MED12L: variants seen among roughly 807,000 people sequenced by gnomAD.
The protein encoded by MED12L is mediator complex subunit 12L.
Under a neutral mutation model 281.3 loss-of-function variants are expected in MED12L, and 60 were observed. The observed-to-expected ratio is 0.21, with a 90% confidence interval of 0.17 to 0.26. The LOEUF (loss-of-function observed/expected upper bound fraction) is 0.26. Among genes scored for constraint, MED12L ranks in the 10% least tolerant of loss-of-function variants. The pLI is 1.00. For synonymous variants in MED12L, 974 were observed against 987.2 expected (o/e 0.99, Z 0.25); for missense variants, 2,146 against 2,680.9 (o/e 0.80, Z 4.41).
At chr3:151,335,045 G>A (rs575382128) in intron 16 of MED12L, among the ~76,000 whole-genome samples, 4 of 152,172 alleles carry the variant, frequency 2.6e-5, no homozygotes, top group South Asian at 2.1e-4. Flanking sequence ...AGGGGTACAC[G>A]TGATATTTCA....
intron 16 of MED12L, among the ~76,000 whole-genome samples, chr3:151,224,475 G>A (rs1401639230): frequency 6.6e-6 from 1 of 150,988 alleles, no homozygotes; most frequent in Admixed American, 6.6e-5. Flanking sequence ...CAATGTGATC[G>A]CCTATGCGGT....
At chr3:151,182,504 T>TGGTCAGCCTGAATCCTCC (rs932812680) in intron 11 of MED12L, among the ~76,000 whole-genome samples, 2 of 152,316 alleles carry the variant, frequency 1.3e-5, no homozygotes, top group East Asian at 3.9e-4. Context: ...AGGGAGCCTC[T>TGGTCAGCCTGAATCCTCC]GGTCAGCCTG....
chr3:151,311,957 G>A lies in MED12L; in HGVS notation c.2251-38102G>A, dbSNP rs139145921. ...GAGAATTGTTCGAACCTGGGAGGCG[G>A]AGGTTGCGGAGGTTGCAGAGGTTGC... On this transcript the variant is annotated intron_variant, in intron 16 of 44. Transcript: ENST00000687756. 1.3e-3 allele frequency among the ~76,000 whole-genome samples: 197 copies of A among 152,354 alleles called. 1 individual carries two copies. The highest frequency in any genetic ancestry group is 2.2e-3 in the Non-Finnish European group (153 of 68,040).
At position 151,188,344 on chromosome 3, in the gene MED12L, T is replaced by G. The variant is rs201295083; in HGVS notation, c.1627-10T>G. On this transcript the variant is annotated splice_polypyrimidine_tract_variant and intron_variant, in intron 12 of 44. Coordinates refer to ENST00000687756, the MANE Select transcript of MED12L (RefSeq NM_001393769.1). ...TGTAATTAACTTTGTTATTTATTTT[T>G]AATCTGTAGAGATGTGGTGAATCAG... 5 of 1,587,030 alleles carry G rather than the reference T, an allele frequency of 3.2e-6. No homozygotes were observed. The African/African-American group carries it at 6.7e-5, about 21-fold the overall frequency.
intron 16 of MED12L, among the ~76,000 whole-genome samples, chr3:151,246,751 A>G (rs1179765014): frequency 6.6e-6 from 1 of 152,234 alleles, no homozygotes; most frequent in Non-Finnish European, 1.5e-5. Flanking sequence ...AATGGCCACA[A>G]AAGCCAAAAT....
intron 39 of MED12L, among the ~76,000 whole-genome samples, chr3:151,401,117 C>T (rs1200103199): frequency 1.3e-5 from 2 of 152,094 alleles, no homozygotes; most frequent in Admixed American, 6.5e-5. Context: ...TGTTCTCACA[C>T]GTGTTGTATT....
chr3:151,107,092 C>CT (rs5853505), intron 2 of MED12L, among the ~76,000 whole-genome samples: 8,405 of 138,610 alleles, frequency 0.061, 362 homozygotes, highest in South Asian at 0.16. Context: ...GTGTCCCCAG[C>CT]TTTTTTTTTT....
intron 16 of MED12L, among the ~76,000 whole-genome samples, chr3:151,272,385 T>A (rs948345888): frequency 6.6e-6 from 1 of 152,210 alleles, no homozygotes; most frequent in African/African-American, 2.4e-5. Context: ...CCCATAGTTA[T>A]CAGTCTATCA....
At chr3:151,208,553 G>A (rs990669836) in intron 16 of MED12L, among the ~76,000 whole-genome samples, 1 of 152,128 alleles carries the variant, frequency 6.6e-6, no homozygotes, top group African/African-American at 2.4e-5. Context: ...GTGATGGCGG[G>A]TACCTGTAAT....
At chr3:151,250,674 A>T (rs1736681495) in intron 16 of MED12L, among the ~76,000 whole-genome samples, 1 of 152,154 alleles carries the variant, frequency 6.6e-6, no homozygotes, top group Non-Finnish European at 1.5e-5. Flanking sequence ...ATCTGTCCAT[A>T]GTCCTTGGGT....
chr3:151,355,856 G>A, intron 18 of MED12L, 40 bp from the exon 19 acceptor site: 1 of 1,515,086 alleles, frequency 6.6e-7, no homozygotes. Flanking sequence ...AGATTATTTA[G>A]AATATTGGTC....
intron 16 of MED12L, among the ~76,000 whole-genome samples, chr3:151,315,921 C>A (rs1748165150): frequency 6.6e-6 from 1 of 152,074 alleles, no homozygotes; most frequent in Non-Finnish European, 1.5e-5. Flanking sequence ...TTTAAAAGTC[C>A]TTATTAAAAT....
intron 38 of MED12L, among the ~76,000 whole-genome samples, chr3:151,392,315 AC>A (rs1714346470): frequency 6.6e-6 from 1 of 151,662 alleles, no homozygotes; most frequent in Non-Finnish European, 1.5e-5. Context: ...AATACAAAAA[AC>A]AAAATTAGCC....
chr3:151,396,834 T>C (rs1715043367), intron 39 of MED12L, among the ~76,000 whole-genome samples: 1 of 152,240 alleles, frequency 6.6e-6, no homozygotes, highest in Admixed American at 6.5e-5. Flanking sequence ...TAAATATACC[T>C]GTTTTTAAAA....
intron 32 of MED12L, among the ~76,000 whole-genome samples, chr3:151,381,923 C>G (rs1712428004): frequency 6.6e-6 from 1 of 152,190 alleles, no homozygotes; most frequent in African/African-American, 2.4e-5. Context: ...TTTAAGATGA[C>G]TCTCATTAAT....
chr3:151,259,043 T>A (rs1209427363), intron 16 of MED12L, among the ~76,000 whole-genome samples: 1 of 152,150 alleles, frequency 6.6e-6, no homozygotes, highest in Non-Finnish European at 1.5e-5. Context: ...TAGCAATAAA[T>A]CAAATTTAAT....
chr3:151,391,365 C>T (rs973506415), intron 38 of MED12L, among the ~76,000 whole-genome samples: 1 of 152,166 alleles, frequency 6.6e-6, no homozygotes, highest in African/African-American at 2.4e-5. Context: ...TCACTTCCTG[C>T]CTGTCTCCGT....
chr3:151,279,239 A>G (rs767354032), intron 16 of MED12L, among the ~76,000 whole-genome samples: 6 of 152,238 alleles, frequency 3.9e-5, no homozygotes, highest in South Asian at 4.1e-4. Context: ...AGGCTGTTCC[A>G]TTGCCAAATT....
intron 2 of MED12L, among the ~76,000 whole-genome samples, chr3:151,109,727 A>G (rs1048007197): frequency 2.6e-5 from 4 of 152,226 alleles, no homozygotes; most frequent in African/African-American, 9.6e-5. Flanking sequence ...AATGTTAAAC[A>G]TATTTAAAAG....
Sources: gnomAD v4.1 joint callset for allele counts (sites outside exome capture counted in the v4.1 genomes callset) on GRCh38, gnomAD v4.1.1 for gene constraint, MANE v1.5 for transcripts, NCBI Gene and HGNC (gene_info 2026-07-23, HGNC 2026-07-21) for gene names.